Variants in FBLN7 observed in about 807,000 individuals in gnomAD.
FBLN7 encodes fibulin-7.
Under a neutral mutation model 44.0 loss-of-function variants are expected in FBLN7, and 31 were observed. That is an observed-to-expected ratio of 0.70 (90% CI 0.53 to 0.95). FBLN7 has a LOEUF of 0.95. Among genes scored for constraint, FBLN7 ranks in the 40% least tolerant of loss-of-function variants. The pLI, the probability that FBLN7 is intolerant of heterozygous loss-of-function variation, is 0.00. For synonymous variants in FBLN7, 262 were observed against 253.4 expected, an observed-to-expected ratio of 1.03 and a Z score of -0.32; for missense variants, 573 against 618.5, an observed-to-expected ratio of 0.93 and a Z score of 0.78.
the FBLN7 span, among the ~76,000 whole-genome samples, chr2:112,209,471 T>C: frequency 1.4e-4 from 22 of 152,218 alleles, no homozygotes; most frequent in Admixed American, 5.2e-4. Context: ...CTTTGACAAT[T>C]AGAAGTAATA....
Position 112,138,412 on chromosome 2 carries a change from C to T in FBLN7, c.-244C>T, listed in dbSNP as rs1427257080. On this transcript the variant is annotated 5_prime_UTR_variant, in exon 1 of 8. Coordinates refer to ENST00000331203, the MANE Select transcript of FBLN7 (RefSeq NM_153214.3). ...TAGCCCAGGGGCCGGCGCCTCCCCG[C>T]CTCGCGCGGACTGTCTCGTGCGGGC... 1.4e-5 allele frequency: 3 copies of T among 220,896 alleles called. No homozygotes were observed. The highest frequency in any genetic ancestry group is 1.8e-4 in the South Asian group (1 of 5,688). The allele number at this position is 220,896 out of a possible 1,614,324, so 13.7% of individuals were successfully genotyped here. A position where few individuals can be genotyped will look rare whatever the true frequency, so the allele number is the denominator to read the frequency against.
At chr2:112,142,105 G>A (rs1259822334) in intron 1 of FBLN7, among the ~76,000 whole-genome samples, 2 of 152,150 alleles carry the variant, frequency 1.3e-5, no homozygotes, top group Non-Finnish European at 2.9e-5. Context: ...TGTGGCCAGG[G>A]GTCTCCCCTT....
the FBLN7 span, among the ~76,000 whole-genome samples, chr2:112,198,177 G>T: frequency 6.6e-6 from 1 of 152,076 alleles, no homozygotes; most frequent in Non-Finnish European, 1.5e-5. Flanking sequence ...CAGCTGATTC[G>T]GCTCTTACCC....
the FBLN7 span, among the ~76,000 whole-genome samples, chr2:112,203,863 T>G: frequency 6.6e-6 from 1 of 152,134 alleles, no homozygotes; most frequent in African/African-American, 2.4e-5. Flanking sequence ...CTCATGAGAC[T>G]TATTCACTAC....
the FBLN7 span, chr2:112,231,830 ATACT>A: frequency 3.9e-6 from 6 of 1,521,888 alleles, no homozygotes; most frequent in Middle Eastern, 1.8e-4. Flanking sequence ...ATTAAAAATT[ATACT>A]TACTTTAGCC....
rs774573945 is a variant in FBLN7, at chr2:112,185,263, G to A, written c.871G>A (p.Gly291Ser). Residue 291 changes from glycine to serine, a missense_variant, in exon 7 of 8, where the codon GGT (glycine) becomes AGT (serine). By Grantham distance (56) the Gly-to-Ser change is moderately conservative. Transcript: ENST00000331203. ...CCAGGGGACCACATGCATCAACACC[G>A]GTGGAAGCTTCCAGTGTGTCAGCCC... ...CPQGTTCINTGGSFQCVSPEC... is the reference protein window; with the variant it reads ...CPQGTTCINTSGSFQCVSPEC... 80 of 1,613,898 alleles carry A rather than the reference G, an allele frequency of 5.0e-5. No homozygotes were observed. Among genetic ancestry groups the A allele is most frequent in the Middle Eastern group, 3.3e-4 (2 of 6,080 alleles).
intron 4 of FBLN7, chr2:112,176,721 C>T (rs988894859): frequency 3.3e-5 from 5 of 152,238 alleles, no homozygotes; most frequent in African/African-American, 9.6e-5. Flanking sequence ...GGCTGTCCTC[C>T]CGAGCTCAGA....
the FBLN7 span, among the ~76,000 whole-genome samples, chr2:112,218,572 G>A: frequency 6.6e-6 from 1 of 151,980 alleles, no homozygotes; most frequent in Admixed American, 6.6e-5. Flanking sequence ...AATAGAATAC[G>A]GTTGACTCTT....
the FBLN7 span, among the ~76,000 whole-genome samples, chr2:112,239,793 C>T: frequency 6.6e-6 from 1 of 152,112 alleles, no homozygotes; most frequent in Non-Finnish European, 1.5e-5. Context: ...CCCTATTGGC[C>T]AGGCTGGTCC....
At chr2:112,226,719 C>T in the FBLN7 span, among the ~76,000 whole-genome samples, 16,569 of 151,746 alleles carry the variant, frequency 0.11, 1,191 homozygotes, top group Non-Finnish European at 0.16. Flanking sequence ...TCTAGGAGGC[C>T]AGTATTACCT....
intron 6 of FBLN7, among the ~76,000 whole-genome samples, chr2:112,183,670 A>C (rs1683112117): frequency 6.6e-6 from 1 of 152,190 alleles, no homozygotes; most frequent in Non-Finnish European, 1.5e-5. Context: ...GCAGCGGCGC[A>C]GATGGAAAAT....
At chr2:112,191,643 AT>A (rs964410833), downstream of FBLN7, among the ~76,000 whole-genome samples, 3 of 151,816 alleles carry the variant, frequency 2.0e-5, no homozygotes, top group Admixed American at 2.0e-4. Flanking sequence ...AGCTAAAATC[AT>A]TTTTTTTCTT....
chr2:112,228,070 T>C, the FBLN7 span, among the ~76,000 whole-genome samples: 1 of 152,308 alleles, frequency 6.6e-6, no homozygotes, highest in African/African-American at 2.4e-5. Context: ...ATCAAGACAC[T>C]GTGATAGTGT....
the FBLN7 span, chr2:112,231,987 T>C: frequency 2.4e-5 from 29 of 1,218,176 alleles, no homozygotes; most frequent in East Asian, 4.9e-4. Context: ...TTTAATCCAA[T>C]TGAAATAATG....
chr2:112,193,204 G>GC (rs1175373711), downstream of FBLN7, among the ~76,000 whole-genome samples: 1 of 152,186 alleles, frequency 6.6e-6, no homozygotes, highest in Non-Finnish European at 1.5e-5. Flanking sequence ...TCTTTGGGTG[G>GC]CCAAGGCGAG....
chr2:112,160,742 A>AAG, intron 2 of FBLN7, among the ~76,000 whole-genome samples: 1 of 81,078 alleles, frequency 1.2e-5, no homozygotes, highest in Admixed American at 1.1e-4. Context: ...GCACACGCAC[A>AAG]CACGCGCACG....
chr2:112,238,309 T>C, the FBLN7 span: 49 of 1,611,836 alleles, frequency 3.0e-5, no homozygotes, highest in Admixed American at 5.0e-5. Flanking sequence ...ATAGTTTGAC[T>C]CTTACCCTGT....
rs189209037 is a variant in FBLN7, at chr2:112,144,651, T to G, written c.75+5921T>G. ...GCGATTCTCCTGCCTCAGCCTTCCG[T>G]GAGTAGCTGGGATTACAGGCTCCCG... is the stretch of plus-strand genomic sequence containing the variant. On this transcript the variant is annotated intron_variant, in intron 1 of 7. Coordinates refer to ENST00000331203, the MANE Select transcript of FBLN7 (RefSeq NM_153214.3). Among the ~76,000 whole-genome samples, 501 of 151,738 alleles carry G rather than the reference T, an allele frequency of 3.3e-3. 11 individuals carry two copies. Among genetic ancestry groups the G allele is most frequent in the Non-Finnish European group, 1.4e-3 (95 of 67,902 alleles).
chr2:112,228,875 A>C, the FBLN7 span, among the ~76,000 whole-genome samples: 4 of 152,238 alleles, frequency 2.6e-5, no homozygotes, highest in Non-Finnish European at 4.4e-5. Flanking sequence ...GAACTCCTAA[A>C]ACTCAATAAG....
Sources: gnomAD v4.1 joint callset for allele counts (sites outside exome capture counted in the v4.1 genomes callset) on GRCh38, gnomAD v4.1.1 for gene constraint, MANE v1.5 for transcripts, NCBI Gene and HGNC (gene_info 2026-07-23, HGNC 2026-07-21) for gene names.